The following POLA1 variants were observed in gnomAD, a reference collection of about 807,000 sequenced individuals.
POLA1 encodes DNA polymerase alpha 1, catalytic subunit, also known as DNA polymerase alpha catalytic subunit.
In POLA1, 15 loss-of-function variants were observed where a neutral mutation model predicts 124.0. The ratio of observed to expected loss-of-function variants is 0.12; its 90% CI spans 0.08 to 0.19. The LOEUF is 0.19. Among genes scored for constraint, POLA1 ranks in the 10% least tolerant of loss-of-function variants. POLA1 has a pLI of 1.00. For missense variants in POLA1, 886 were observed against 1,103.4 expected, an observed-to-expected ratio of 0.80 and a Z score of 2.79; for synonymous variants, 408 against 389.4, an observed-to-expected ratio of 1.05 and a Z score of -0.56.
chrX:24,753,572 C>G (rs1204342483), intron 26 of POLA1, among the ~76,000 whole-genome samples: 2 of 110,936 alleles, frequency 1.8e-5, no homozygotes, highest in African/African-American at 6.6e-5. Flanking sequence ...CCAGGCTGGT[C>G]TCCAACTCCT....
At chrX:24,875,411 G>A (rs2046917512) in intron 34 of POLA1, among the ~76,000 whole-genome samples, 1 of 111,539 alleles carries the variant, frequency 9.0e-6, no homozygotes, top group Non-Finnish European at 1.9e-5. Context: ...ACTTTTGATA[G>A]GAATGCACTT....
At chrX:24,934,648 G>A (rs1415978344) in intron 36 of POLA1, among the ~76,000 whole-genome samples, 2 of 112,274 alleles carry the variant, frequency 1.8e-5, no homozygotes, top group Non-Finnish European at 3.8e-5. Context: ...TACCATGGAT[G>A]GGGTGGCTTA....
intron 36 of POLA1, among the ~76,000 whole-genome samples, chrX:24,991,703 A>C (rs1403536897): frequency 1.8e-5 from 2 of 112,973 alleles, no homozygotes; most frequent in Non-Finnish European, 3.7e-5. Context: ...CTAGTAGAGC[A>C]CTTGAGCTAA....
chrX:24,794,119 G>A (rs986072318), intron 26 of POLA1, among the ~76,000 whole-genome samples: 1 of 110,386 alleles, frequency 9.1e-6, no homozygotes, highest in African/African-American at 3.3e-5. Context: ...TGGGACTATA[G>A]GTGTGTGCCA....
At chrX:24,720,831 C>T (rs1445622731) in intron 10 of POLA1, among the ~76,000 whole-genome samples, 1 of 112,452 alleles carries the variant, frequency 8.9e-6, no homozygotes, top group African/African-American at 3.2e-5. Context: ...ACTTGTAGCT[C>T]TTTACATTTA....
At chrX:24,798,100 G>A (rs773049987) in intron 26 of POLA1, among the ~76,000 whole-genome samples, 2 of 111,293 alleles carry the variant, frequency 1.8e-5, no homozygotes, top group South Asian at 7.7e-4. Context: ...TTTTAAAGCA[G>A]TGAGTAGCCA....
At chrX:24,749,901 C>T (rs914101218) in intron 26 of POLA1, among the ~76,000 whole-genome samples, 3 of 111,878 alleles carry the variant, frequency 2.7e-5, no homozygotes, top group African/African-American at 9.8e-5. Flanking sequence ...AATAGTTACG[C>T]TGAATATTAA....
intron 30 of POLA1, 66 bp downstream of exon 30, chrX:24,815,177 G>A (rs1291803097): frequency 2.0e-6 from 2 of 975,666 alleles, no homozygotes; most frequent in Non-Finnish European, 2.8e-6. Flanking sequence ...TCAGATAGTT[G>A]AAGAACCACC....
intron 4 of POLA1, among the ~76,000 whole-genome samples, chrX:24,711,239 C>T (rs772758522): frequency 8.9e-6 from 1 of 112,425 alleles, no homozygotes; most frequent in East Asian, 2.8e-4. Context: ...CCGTTTTGCC[C>T]TGGGAAAGTG....
chrX:24,739,239 G>A, intron 19 of POLA1, 136 bp from the exon 20 acceptor site: 1 of 470,631 alleles, frequency 2.1e-6, no homozygotes. Flanking sequence ...CATAGTAAAT[G>A]TTCAAAAATA....
chrX:24,747,388 C>T (rs1289415660), intron 24 of POLA1, among the ~76,000 whole-genome samples: 2 of 110,468 alleles, frequency 1.8e-5, no homozygotes, highest in African/African-American at 6.6e-5. Context: ...TGGTCTTGAA[C>T]TCCCGACCTC....
chrX:24,821,791 CT>C (rs1161511649), intron 31 of POLA1, among the ~76,000 whole-genome samples: 3 of 112,331 alleles, frequency 2.7e-5, no homozygotes, highest in Admixed American at 9.4e-5. Flanking sequence ...ACAGTAGCTA[CT>C]CTTTTAACCC....
chrX:24,735,925 C>G (rs1002828964), intron 18 of POLA1, among the ~76,000 whole-genome samples: 1 of 111,025 alleles, frequency 9.0e-6, no homozygotes, highest in Admixed American at 9.6e-5. Flanking sequence ...ACTCAGGGCT[C>G]GGAATTGATT....
intron 34 of POLA1, among the ~76,000 whole-genome samples, chrX:24,865,660 G>A (rs1390484298): frequency 9.0e-6 from 1 of 111,347 alleles, no homozygotes; most frequent in East Asian, 2.8e-4. Context: ...CTCTCTGAGT[G>A]TTTATTCAGG....
At chrX:24,719,299 G>A (rs1436919421) in intron 10 of POLA1, among the ~76,000 whole-genome samples, 2 of 110,700 alleles carry the variant, frequency 1.8e-5, no homozygotes, top group Non-Finnish European at 3.8e-5. Context: ...AGGGGTGGGG[G>A]CGGTCAGAAG....
intron 2 of POLA1, among the ~76,000 whole-genome samples, chrX:24,701,831 G>T (rs1928452528): frequency 9.3e-6 from 1 of 107,364 alleles, no homozygotes. Flanking sequence ...TTGGCTCACT[G>T]CAACCTCCAC....
chrX:24,863,802 A>G (rs1180404778), intron 34 of POLA1, among the ~76,000 whole-genome samples: 1 of 110,710 alleles, frequency 9.0e-6, no homozygotes, highest in African/African-American at 3.3e-5. Flanking sequence ...TTTTCCTCAT[A>G]GTTAATCTAA....
intron 36 of POLA1, among the ~76,000 whole-genome samples, chrX:24,986,541 T>C (rs2048483459): frequency 9.3e-6 from 1 of 108,053 alleles, no homozygotes. Context: ...ATGCCAGGAG[T>C]TTAAGACAAG....
In POLA1 at chrX:24,741,442, A is replaced by C. The variant is rs1392256709; in HGVS notation, c.2284A>C (p.Met762Leu). The change falls in exon 21 of 37, where the codon ATG (methionine) becomes CTG (leucine). Residue 762 changes from methionine (M) to leucine (L), a missense_variant. Coordinates refer to ENST00000379068, the MANE Select transcript of POLA1 (RefSeq NM_001330360.2). ...AGATGCCAAGTTCATTTTGCAGATC[A>C]TGTGTGAGCTAAATGTTCTTCCATT... ...WKDAKFILQIMCELNVLPLAL... is the reference protein window; with the variant it reads ...WKDAKFILQILCELNVLPLAL... 1 of 1,194,349 alleles carries C rather than the reference A, an allele frequency of 8.4e-7. No homozygotes were observed. Among genetic ancestry groups the C allele is most frequent in the Non-Finnish European group, 1.1e-6 (1 of 881,133 alleles).
Sources: allele counts gnomAD v4.1 joint callset (sites outside exome capture counted in the v4.1 genomes callset), GRCh38; gene constraint gnomAD v4.1.1; transcripts MANE v1.5; gene names NCBI Gene and HGNC (gene_info 2026-07-23, HGNC 2026-07-21).